Variants in C3orf22 observed in about 807,000 individuals in gnomAD.
C3orf22 encodes the protein chromosome 3 open reading frame 22.
In C3orf22, 7 loss-of-function variants were observed where a neutral mutation model predicts 10.8. The observed-to-expected ratio is 0.65, with a 90% CI of 0.37 to 1.22. The LOEUF is 1.22. Among genes scored for constraint, C3orf22 ranks in the 50% most tolerant of loss-of-function variants. The pLI is 0.02. For missense variants in C3orf22, 173 were observed against 177.0 expected (o/e 0.98, Z 0.13); for synonymous variants, 79 against 78.9 (o/e 1.00, Z 0.00).
chr3:126,547,126 C>A (rs932376625), downstream of C3orf22, among the ~76,000 whole-genome samples: 1 of 152,210 alleles, frequency 6.6e-6, no homozygotes, highest in African/African-American at 2.4e-5. Flanking sequence ...ATCCTTTCTA[C>A]CTGTGGATCT....
intron 1 of C3orf22, among the ~76,000 whole-genome samples, chr3:126,555,060 G>T (rs1287264054): frequency 6.6e-6 from 1 of 152,258 alleles, no homozygotes; most frequent in African/African-American, 2.4e-5. Context: ...ACGGCTAGCT[G>T]CTCATGGCTA....
downstream of C3orf22, among the ~76,000 whole-genome samples, chr3:126,545,130 AG>A (rs1576241280): frequency 6.6e-6 from 1 of 152,250 alleles, no homozygotes; most frequent in African/African-American, 2.4e-5. Context: ...TGGACAACAC[AG>A]GGGGGTGCCC....
At chr3:126,535,455 GAGAC>G (rs1304068503) in intron 4 of C3orf22, among the ~76,000 whole-genome samples, 6 of 151,304 alleles carry the variant, frequency 4.0e-5, no homozygotes, top group Middle Eastern at 3.3e-3. Flanking sequence ...CCTCAGCCGG[GAGAC>G]AGACAGACAG....
chr3:126,556,671 C>G (rs549870403), intron 1 of C3orf22, among the ~76,000 whole-genome samples: 14 of 151,378 alleles, frequency 9.2e-5, no homozygotes, highest in Non-Finnish European at 1.8e-4. Context: ...CACACTCACT[C>G]TCACAGACAC....
At chr3:126,534,289 A>C (rs1936716682) in intron 4 of C3orf22, among the ~76,000 whole-genome samples, 2 of 152,268 alleles carry the variant, frequency 1.3e-5, no homozygotes, top group African/African-American at 2.4e-5. Context: ...ACTATGCATA[A>C]AAAGATATTC....
At chr3:126,540,177 G>T (rs143813856) in intron 4 of C3orf22, among the ~76,000 whole-genome samples, 16 of 152,034 alleles carry the variant, frequency 1.1e-4, no homozygotes, top group Non-Finnish European at 2.4e-4. Flanking sequence ...TCCAAAGGCC[G>T]CTTTGGCCTC....
chr3:126,555,462 G>A (rs1389134013), intron 1 of C3orf22, among the ~76,000 whole-genome samples: 4 of 152,220 alleles, frequency 2.6e-5, no homozygotes, highest in Non-Finnish European at 4.4e-5. Context: ...CACAGCAGGA[G>A]GTGGGTGGCA....
At chr3:126,541,975 A>G in intron 4 of C3orf22, 2 of 1,578,562 alleles carry the variant, frequency 1.3e-6, no homozygotes, top group Non-Finnish European at 1.7e-6. Flanking sequence ...TCTCCGCGCA[A>G]GAGGCGCACG....
At chr3:126,539,821 C>CACCACATGCACACAG (rs1936902893) in intron 4 of C3orf22, among the ~76,000 whole-genome samples, 1 of 4,078 alleles carries the variant, frequency 2.5e-4, no homozygotes, top group Non-Finnish European at 5.4e-4. Flanking sequence ...ACCACAAACA[C>CACCACATGCACACAG]ACATACCACA....
intron 4 of C3orf22, among the ~76,000 whole-genome samples, chr3:126,531,751 T>A (rs1262576390): frequency 6.6e-6 from 1 of 152,256 alleles, no homozygotes; most frequent in Non-Finnish European, 1.5e-5. Context: ...GGGGCTATCA[T>A]GAATAATGCT....
At chr3:126,528,422 T>C (rs1240503290) in intron 5 of C3orf22, among the ~76,000 whole-genome samples, 1 of 152,162 alleles carries the variant, frequency 6.6e-6, no homozygotes, top group African/African-American at 2.4e-5. Context: ...GTGCCGTGGC[T>C]GGAGCTGAGC....
At chr3:126,557,901 G>A (rs1185589471) in intron 1 of C3orf22, among the ~76,000 whole-genome samples, 1 of 152,236 alleles carries the variant, frequency 6.6e-6, no homozygotes, top group Non-Finnish European at 1.5e-5. Flanking sequence ...CTCCGCCCCT[G>A]CAGCCCTGGC....
At chr3:126,540,101 GACAC>G (rs1259736003) in intron 4 of C3orf22, among the ~76,000 whole-genome samples, 1 of 150,922 alleles carries the variant, frequency 6.6e-6, no homozygotes, top group Admixed American at 6.6e-5. Context: ...ACACGCACAG[GACAC>G]ACACGCATTC....
At chr3:126,542,130 G>A in intron 4 of C3orf22, 1 of 1,568,850 alleles carries the variant, frequency 6.4e-7, no homozygotes, top group Non-Finnish European at 8.6e-7. Context: ...CGCCCCTACA[G>A]CGCCGCCTTC....
chr3:126,530,191 C>T (rs1936624627), intron 4 of C3orf22, among the ~76,000 whole-genome samples: 2 of 152,252 alleles, frequency 1.3e-5, no homozygotes. Context: ...GGCAGGGTGG[C>T]AGGCAGGGTG....
intron 4 of C3orf22, among the ~76,000 whole-genome samples, chr3:126,541,085 C>T (rs1308224276): frequency 6.6e-6 from 1 of 152,122 alleles, no homozygotes; most frequent in African/African-American, 2.4e-5. Flanking sequence ...GCGAGGGGCT[C>T]CGGACCTAAT....
downstream of C3orf22, among the ~76,000 whole-genome samples, chr3:126,545,925 C>G (rs1283695983): frequency 6.6e-6 from 1 of 152,240 alleles, no homozygotes; most frequent in Non-Finnish European, 1.5e-5. Context: ...TCCCTAGGGC[C>G]TGGCCCTTTT....
At chr3:126,544,020 ACT>A (rs1381967876) in intron 4 of C3orf22, among the ~76,000 whole-genome samples, 1 of 152,104 alleles carries the variant, frequency 6.6e-6, no homozygotes, top group Non-Finnish European at 1.5e-5. Flanking sequence ...CCCCTCCAAA[ACT>A]CATGTTGAAA....
chr3:126,542,439 G>C, intron 4 of C3orf22: 2 of 1,560,164 alleles, frequency 1.3e-6, no homozygotes, highest in Non-Finnish European at 1.7e-6. Context: ...CGGCCCCGGG[G>C]AGCCGCCGCC....
Sources: allele counts gnomAD v4.1 joint callset (sites outside exome capture counted in the v4.1 genomes callset), GRCh38; gene constraint gnomAD v4.1.1; transcripts MANE v1.5; gene names NCBI Gene and HGNC (gene_info 2026-07-23, HGNC 2026-07-21).